Variants in ADAMTSL1 observed in about 807,000 individuals in gnomAD.
ADAMTSL1 encodes the protein ADAMTS like 1.
A neutral mutation model predicts 201.8 loss-of-function variants in ADAMTSL1; 126 were observed. The ratio of observed to expected loss-of-function variants is 0.62; its 90% CI spans 0.54 to 0.72. ADAMTSL1 has a LOEUF of 0.72. Ranked by LOEUF, ADAMTSL1 falls within the 30% of genes least tolerant of loss-of-function variation. The pLI is 0.00. For missense variants in ADAMTSL1, 2,679 were observed against 2,277.8 expected (o/e 1.18, Z -3.59); for synonymous variants, 1,121 against 903.4 (o/e 1.24, Z -4.32).
intron 4 of ADAMTSL1, among the ~76,000 whole-genome samples, chr9:18,583,054 G>T (rs77554100): frequency 0.051 from 7,700 of 152,136 alleles, 275 homozygotes; most frequent in Non-Finnish European, 0.077. Context: ...TAAATTGCTC[G>T]GTCTTGGGTA....
chr9:18,045,349 G>T (rs562655008), intron 1 of ADAMTSL1, among the ~76,000 whole-genome samples: 1 of 152,112 alleles, frequency 6.6e-6, no homozygotes, highest in Non-Finnish European at 1.5e-5. Flanking sequence ...AGCAGTTGGA[G>T]TTGGCATGAG....
At chr9:18,813,884 G>A (rs1388959708) in intron 20 of ADAMTSL1, among the ~76,000 whole-genome samples, 1 of 152,116 alleles carries the variant, frequency 6.6e-6, no homozygotes, top group African/African-American at 2.4e-5. Context: ...ATTCTTGTCT[G>A]GTTCCAGATC....
intron 3 of ADAMTSL1, among the ~76,000 whole-genome samples, chr9:18,551,341 G>T (rs1820786367): frequency 6.6e-6 from 1 of 151,682 alleles, no homozygotes; most frequent in African/African-American, 2.4e-5. Flanking sequence ...AGGACAATTT[G>T]CCTCTATGTT....
chr9:17,976,709 TCTCC>T (rs1818464838), intron 1 of ADAMTSL1, among the ~76,000 whole-genome samples: 1 of 151,180 alleles, frequency 6.6e-6, no homozygotes, highest in South Asian at 2.1e-4. Context: ...GCTCTCTCTC[TCTCC>T]CTCCCTCCCC....
intron 1 of ADAMTSL1, among the ~76,000 whole-genome samples, chr9:18,008,819 G>A (rs763564203): frequency 1.3e-5 from 2 of 151,914 alleles, no homozygotes; most frequent in African/African-American, 4.8e-5. Context: ...TACCTCATTT[G>A]GGACTTAAGT....
At chr9:18,795,587 T>C in intron 20 of ADAMTSL1, 63 bp downstream of exon 20, 1 of 1,510,916 alleles carries the variant, frequency 6.6e-7, no homozygotes. Context: ...GCCTATAGTG[T>C]GTCAAACAGG....
At chr9:18,359,184 T>C (rs1006674576) in intron 2 of ADAMTSL1, among the ~76,000 whole-genome samples, 9 of 152,146 alleles carry the variant, frequency 5.9e-5, no homozygotes, top group African/African-American at 2.2e-4. Flanking sequence ...TAGTACAAAA[T>C]AAGCTCTGGT....
chr9:18,412,171 A>T (rs1021225072), intron 2 of ADAMTSL1, among the ~76,000 whole-genome samples: 1 of 152,210 alleles, frequency 6.6e-6, no homozygotes, highest in Admixed American at 6.5e-5. Context: ...ACCAAAATTC[A>T]GATCTAGAGG....
chr9:18,885,902 C>CTCTG (rs1208985229), intron 23 of ADAMTSL1, among the ~76,000 whole-genome samples: 1 of 151,926 alleles, frequency 6.6e-6, no homozygotes, highest in Admixed American at 6.6e-5. Context: ...CTCTCTAGGC[C>CTCTG]TCTGTTTCTT....
intron 15 of ADAMTSL1, chr9:18,723,122 C>A: frequency 1.3e-6 from 1 of 759,514 alleles, no homozygotes; most frequent in East Asian, 2.5e-5. Flanking sequence ...TGGCCTAGGG[C>A]GAGGTGTCTG....
chr9:18,853,402 T>C (rs926147835), intron 23 of ADAMTSL1, among the ~76,000 whole-genome samples: 2 of 152,138 alleles, frequency 1.3e-5, no homozygotes, highest in African/African-American at 4.8e-5. Flanking sequence ...GTACAGCTGA[T>C]TGGTTAGGGA....
intron 21 of ADAMTSL1, among the ~76,000 whole-genome samples, chr9:18,823,592 C>G (rs1003784735): frequency 2.0e-5 from 3 of 152,202 alleles, no homozygotes; most frequent in Non-Finnish European, 2.9e-5. Flanking sequence ...TTCTCTCCCC[C>G]TGAGTCTTTG....
Position 18,776,815 on chromosome 9 carries a change from C to T in ADAMTSL1, c.2586C>T (p.His862=), listed in dbSNP as rs773683685. ...GGCCATCCACGAAGCACAGCCCGCACATCGCGGCCGCCAGGAAGGTCTACA... is the reference window on the plus strand; with the variant it reads ...GGCCATCCACGAAGCACAGCCCGCATATCGCGGCCGCCAGGAAGGTCTACA... The part of the protein sequence containing the change: ...PGRPSTKHSP[H]IAAARKVYIQ... Residue 862 remains histidine, a synonymous_variant, in exon 19 of 29, where the codon CAC becomes CAT. Transcript: ENST00000380548. 1.8e-5 allele frequency: 28 copies of T among 1,568,060 alleles called. No homozygotes were observed. The South Asian group carries it at 2.9e-4, about 16-fold the overall frequency.
At chr9:18,874,317 A>G (rs1039782652) in intron 23 of ADAMTSL1, among the ~76,000 whole-genome samples, 2 of 152,072 alleles carry the variant, frequency 1.3e-5, no homozygotes, top group South Asian at 4.1e-4. Context: ...TGCTCCGGCT[A>G]GGGCTTCCAG....
intron 1 of ADAMTSL1, among the ~76,000 whole-genome samples, chr9:17,924,657 G>A (rs201552440): frequency 1.2e-4 from 18 of 145,282 alleles, no homozygotes; most frequent in South Asian, 4.6e-4. Flanking sequence ...CCATATGTAG[G>A]AAGCTGAAAC....
At chr9:18,087,263 G>T (rs1038414573) in intron 1 of ADAMTSL1, among the ~76,000 whole-genome samples, 4 of 151,928 alleles carry the variant, frequency 2.6e-5, no homozygotes, top group African/African-American at 9.7e-5. Context: ...TCAAAGAGCC[G>T]TCTTCTGGAA....
chr9:17,987,256 T>C (rs935708091), intron 1 of ADAMTSL1, among the ~76,000 whole-genome samples: 3 of 152,116 alleles, frequency 2.0e-5, no homozygotes, highest in African/African-American at 7.2e-5. Context: ...TCACATCTTG[T>C]TTCCTTGTCC....
intron 1 of ADAMTSL1, among the ~76,000 whole-genome samples, chr9:17,935,234 C>T (rs1276486180): frequency 6.6e-6 from 1 of 152,036 alleles, no homozygotes; most frequent in African/African-American, 2.4e-5. Context: ...TTTGATTGTG[C>T]GGCCTCCAGA....
chr9:17,977,089 C>A (rs1239860833), intron 1 of ADAMTSL1, among the ~76,000 whole-genome samples: 2 of 151,882 alleles, frequency 1.3e-5, no homozygotes, highest in Non-Finnish European at 2.9e-5. Flanking sequence ...ATCTTATGAT[C>A]TTTTATCTTT....
Sources: gnomAD v4.1 joint callset for allele counts (sites outside exome capture counted in the v4.1 genomes callset) on GRCh38, gnomAD v4.1.1 for gene constraint, MANE v1.5 for transcripts, NCBI Gene and HGNC (gene_info 2026-07-23, HGNC 2026-07-21) for gene names.